ASIC2: variants seen among roughly 807,000 people sequenced by gnomAD.
ASIC2 encodes acid sensing ion channel subunit 2, also known as acid-sensing ion channel 2.
ASIC2 carries 25 observed loss-of-function variants against 57.3 expected under a neutral mutation model. That is an observed-to-expected ratio of 0.44 (90% CI 0.32 to 0.61). The LOEUF is 0.61. ASIC2 is among the 20% of genes least tolerant of loss of function. The pLI, the probability that ASIC2 is intolerant of heterozygous loss-of-function variation, is 0.06. For synonymous variants in ASIC2, 319 were observed against 307.5 expected (o/e 1.04, Z -0.39); for missense variants, 641 against 738.1 (o/e 0.87, Z 1.52).
intron 1 of ASIC2, among the ~76,000 whole-genome samples, chr17:34,086,945 G>A (rs944188836): frequency 6.6e-6 from 1 of 152,118 alleles, no homozygotes; most frequent in African/African-American, 2.4e-5. Flanking sequence ...CTGCATGGGA[G>A]ATGGGTTTCC....
intron 1 of ASIC2, among the ~76,000 whole-genome samples, chr17:33,661,499 A>G (rs898715591): frequency 1.2e-4 from 18 of 152,220 alleles, no homozygotes; most frequent in Non-Finnish European, 2.5e-4. Flanking sequence ...GGCCAAGTCT[A>G]GTGGCATGGC....
chr17:33,253,715 G>C (rs968596182), intron 1 of ASIC2, among the ~76,000 whole-genome samples: 1 of 152,122 alleles, frequency 6.6e-6, no homozygotes, highest in Non-Finnish European at 1.5e-5. Flanking sequence ...GAAAAGAAGA[G>C]GAAAGTGAGG....
intron 1 of ASIC2, among the ~76,000 whole-genome samples, chr17:33,556,760 A>T (rs1597783402): frequency 6.6e-6 from 1 of 152,212 alleles, no homozygotes; most frequent in Non-Finnish European, 1.5e-5. Context: ...AGTGATGACT[A>T]TGATGATTTT....
intron 1 of ASIC2, chr17:33,623,550 G>A (rs4795820): frequency 0.52 from 79,320 of 151,760 alleles, 21,337 homozygotes; most frequent in African/African-American, 0.64. Context: ...TACAGGTGTG[G>A]GACATCCTGC....
At chr17:33,217,673 G>A (rs1907547124) in intron 1 of ASIC2, among the ~76,000 whole-genome samples, 1 of 152,212 alleles carries the variant, frequency 6.6e-6, no homozygotes, top group African/African-American at 2.4e-5. Flanking sequence ...GCTGAATCCA[G>A]GTTCCCTCTC....
intron 1 of ASIC2, among the ~76,000 whole-genome samples, chr17:33,747,486 G>A (rs572938486): frequency 6.6e-6 from 1 of 152,118 alleles, no homozygotes; most frequent in Non-Finnish European, 1.5e-5. Flanking sequence ...GCCTCTCAAA[G>A]TGCTGGGATG....
At chr17:33,312,455 C>T (rs1045223470) in intron 1 of ASIC2, among the ~76,000 whole-genome samples, 1 of 152,174 alleles carries the variant, frequency 6.6e-6, no homozygotes, top group Non-Finnish European at 1.5e-5. Context: ...CATCGTGGAA[C>T]CCACCCTTAG....
chr17:34,074,778 CTTTCTTT>C (rs1194346725), intron 1 of ASIC2, among the ~76,000 whole-genome samples: 1 of 133,224 alleles, frequency 7.5e-6, no homozygotes, highest in Non-Finnish European at 1.6e-5. Context: ...TTCTTTCTTT[CTTTCTTT>C]TTTTTTTTTT....
chr17:33,662,667 A>G (rs1010412240), intron 1 of ASIC2, among the ~76,000 whole-genome samples: 9 of 110,796 alleles, frequency 8.1e-5, no homozygotes, highest in Non-Finnish European at 1.4e-4. Context: ...AAATAAATAA[A>G]TAAGTAAAAT....
intron 1 of ASIC2, among the ~76,000 whole-genome samples, chr17:33,882,392 A>T (rs1343438697): frequency 2.6e-5 from 4 of 152,210 alleles, no homozygotes; most frequent in Non-Finnish European, 5.9e-5. Context: ...AGAATCTACA[A>T]AGAACTCAAA....
At chr17:33,340,096 A>G (rs1240064304) in intron 1 of ASIC2, among the ~76,000 whole-genome samples, 2 of 152,244 alleles carry the variant, frequency 1.3e-5, no homozygotes, top group Non-Finnish European at 2.9e-5. Context: ...AATGCCTAAT[A>G]CATAACCAAT....
chr17:34,056,036 T>C (rs1213255921), intron 1 of ASIC2, among the ~76,000 whole-genome samples: 3 of 152,052 alleles, frequency 2.0e-5, no homozygotes, highest in Non-Finnish European at 4.4e-5. Context: ...GTAGTAAGAC[T>C]GTCAGGGGAC....
intron 1 of ASIC2, among the ~76,000 whole-genome samples, chr17:33,323,451 G>C (rs534916055): frequency 6.6e-6 from 1 of 152,154 alleles, no homozygotes; most frequent in South Asian, 2.1e-4. Context: ...GGTGCCTCAC[G>C]CCTATAATCC....
At chr17:33,278,383 C>T (rs912135242) in intron 1 of ASIC2, among the ~76,000 whole-genome samples, 3 of 151,924 alleles carry the variant, frequency 2.0e-5, no homozygotes, top group Admixed American at 6.6e-5. Context: ...CATGGTGGTG[C>T]GTCTCTGTAG....
chr17:33,568,841 G>T (rs1916335662), intron 1 of ASIC2, among the ~76,000 whole-genome samples: 2 of 152,116 alleles, frequency 1.3e-5, no homozygotes, highest in South Asian at 2.1e-4. Flanking sequence ...ACAGCTTAAG[G>T]TCATATTGTG....
chr17:33,897,738 T>C (rs1915130255), intron 1 of ASIC2, among the ~76,000 whole-genome samples: 1 of 152,202 alleles, frequency 6.6e-6, no homozygotes, highest in Non-Finnish European at 1.5e-5. Context: ...CTAGCTGTTG[T>C]CTTCATAGCT....
At chr17:33,890,753 T>C (rs1567747851) in intron 1 of ASIC2, among the ~76,000 whole-genome samples, 1 of 152,186 alleles carries the variant, frequency 6.6e-6, no homozygotes, top group Non-Finnish European at 1.5e-5. Context: ...AGAAGCTGCT[T>C]TCACTCTCTG....
intron 1 of ASIC2, among the ~76,000 whole-genome samples, chr17:33,939,723 G>T (rs938308660): frequency 3.9e-5 from 6 of 152,310 alleles, no homozygotes; most frequent in African/African-American, 1.2e-4. Flanking sequence ...GAACCAGACC[G>T]CTGTGGCAAC....
intron 3 of ASIC2, among the ~76,000 whole-genome samples, chr17:33,071,488 A>C (rs1015425773): frequency 5.3e-5 from 8 of 152,170 alleles, no homozygotes; most frequent in Non-Finnish European, 1.2e-4. Context: ...TTAGCTATAA[A>C]TGTTTTAATG....
Sources: allele counts gnomAD v4.1 joint callset (sites outside exome capture counted in the v4.1 genomes callset), GRCh38; gene constraint gnomAD v4.1.1; transcripts MANE v1.5; gene names NCBI Gene and HGNC (gene_info 2026-07-23, HGNC 2026-07-21).